NAV2: variants seen among roughly 807,000 people sequenced by gnomAD.
NAV2 encodes helicase, APC down-regulated 1.
A neutral mutation model predicts 223.2 loss-of-function variants in NAV2; 54 were observed. The ratio of observed to expected loss-of-function variants is 0.24; its 90% CI spans 0.19 to 0.30. The LOEUF (loss-of-function observed/expected upper bound fraction) is 0.30, where lower values mean the gene tolerates loss of function less well. Among genes scored for constraint, NAV2 ranks in the 10% least tolerant of loss-of-function variants. The pLI, the probability that NAV2 is intolerant of heterozygous loss-of-function variation, is 1.00. For missense variants in NAV2, 2,806 were observed against 3,147.5 expected (o/e 0.89, Z 2.60); for synonymous variants, 1,279 against 1,239.3 (o/e 1.03, Z -0.67).
In NAV2 at chr11:19,947,714, G is replaced by C. The variant is rs141083790; in HGVS notation, c.2256-977G>C. ...GTGAAAACAGTGGAAGACAGACTCTGCCAAGAGATTGAGCTCATCCTTGGG... is the reference window on the plus strand; with the variant it reads ...GTGAAAACAGTGGAAGACAGACTCTCCCAAGAGATTGAGCTCATCCTTGGG... On this transcript the variant is annotated intron_variant, in intron 9 of 37. Coordinates refer to ENST00000349880, the MANE Select transcript of NAV2 (RefSeq NM_145117.5). Among the ~76,000 whole-genome samples, 17 of 152,320 alleles carry C rather than the reference G, an allele frequency of 1.1e-4. No individual in the cohort carries two copies. In the East Asian group the frequency reaches 3.1e-3, roughly 28 times the overall value.
chr11:20,031,751 TGTGTGTGTGTGC>T (rs2055771104), intron 11 of NAV2, among the ~76,000 whole-genome samples: 1 of 152,108 alleles, frequency 6.6e-6, no homozygotes. Context: ...TGTGTGTGTG[TGTGTGTGTGTGC>T]TTCATTCTTC....
intron 1 of NAV2, among the ~76,000 whole-genome samples, chr11:19,628,570 A>C (rs536697607): frequency 6.6e-6 from 1 of 152,200 alleles, no homozygotes; most frequent in Non-Finnish European, 1.5e-5. Context: ...CCATGCACTC[A>C]TCTACATTCA....
At chr11:20,094,605 A>G (rs2061110777) in intron 29 of NAV2, among the ~76,000 whole-genome samples, 1 of 152,216 alleles carries the variant, frequency 6.6e-6, no homozygotes, top group Admixed American at 6.5e-5. Flanking sequence ...ATGAACACAT[A>G]GAGCATACCT....
intron 10 of NAV2, among the ~76,000 whole-genome samples, chr11:19,968,342 A>G (rs1040462870): frequency 2.0e-5 from 3 of 152,008 alleles, no homozygotes; most frequent in Non-Finnish European, 4.4e-5. Context: ...TCAGCCTCCC[A>G]AGTAGCTGGG....
At chr11:19,373,450 G>A (rs1267611129) in intron 1 of NAV2, among the ~76,000 whole-genome samples, 1 of 152,034 alleles carries the variant, frequency 6.6e-6, no homozygotes, top group East Asian at 1.9e-4. Flanking sequence ...CCACCTCAAG[G>A]TCTTTGCACC....
At chr11:19,496,848 C>T (rs941085182) in intron 1 of NAV2, among the ~76,000 whole-genome samples, 4 of 152,066 alleles carry the variant, frequency 2.6e-5, no homozygotes, top group Admixed American at 6.5e-5. Context: ...AGAAACAAAA[C>T]AAAACAAACA....
intron 3 of NAV2, among the ~76,000 whole-genome samples, chr11:19,846,893 G>GT (rs1565419615): frequency 6.6e-6 from 1 of 152,172 alleles, no homozygotes; most frequent in Admixed American, 6.5e-5. Flanking sequence ...GCTTTGCCCT[G>GT]TTTCAGTCTG....
intron 1 of NAV2, among the ~76,000 whole-genome samples, chr11:19,721,032 G>T (rs1395884858): frequency 6.6e-6 from 1 of 152,224 alleles, no homozygotes; most frequent in Admixed American, 6.5e-5. Flanking sequence ...GAGGAAACCA[G>T]GGCTGACAGA....
At chr11:19,671,939 C>T (rs978395229) in intron 1 of NAV2, among the ~76,000 whole-genome samples, 3 of 152,120 alleles carry the variant, frequency 2.0e-5, no homozygotes, top group Non-Finnish European at 2.9e-5. Context: ...GATTCATGTC[C>T]GCAGAAAATG....
chr11:20,003,886 T>C (rs920529951), intron 11 of NAV2, among the ~76,000 whole-genome samples: 2 of 152,222 alleles, frequency 1.3e-5, no homozygotes, highest in Non-Finnish European at 2.9e-5. Context: ...ATTCTGTTCA[T>C]TGGATTTGGA....
At chr11:20,077,486 C>A in intron 22 of NAV2, 66 bp from the exon 23 acceptor site, 1 of 1,272,838 alleles carries the variant, frequency 7.9e-7, no homozygotes, top group Non-Finnish European at 1.1e-6. Flanking sequence ...TCTTTAAGAG[C>A]CAGACACCTT....
chr11:19,817,639 G>A (rs2059160634), intron 1 of NAV2, among the ~76,000 whole-genome samples: 1 of 152,274 alleles, frequency 6.6e-6, no homozygotes, highest in Middle Eastern at 3.4e-3. Context: ...GGAGGGGGTG[G>A]CCAAGAGGGC....
At chr11:19,819,318 A>G (rs1037847620) in intron 1 of NAV2, among the ~76,000 whole-genome samples, 1 of 152,150 alleles carries the variant, frequency 6.6e-6, no homozygotes, top group Non-Finnish European at 1.5e-5. Flanking sequence ...GGGGACTGAC[A>G]TTTACTTTGC....
At chr11:19,975,120 G>A (rs182218770) in intron 10 of NAV2, among the ~76,000 whole-genome samples, 2 of 152,278 alleles carry the variant, frequency 1.3e-5, no homozygotes, top group African/African-American at 2.4e-5. Context: ...CTTTCAGAAG[G>A]TGGACAAAAA....
chr11:19,987,682 T>C (rs2050916588), intron 11 of NAV2, among the ~76,000 whole-genome samples: 1 of 152,190 alleles, frequency 6.6e-6, no homozygotes, highest in South Asian at 2.1e-4. Flanking sequence ...TGTCAGTTGG[T>C]GAGTCTGGTA....
chr11:19,935,868 T>TTTTTTTTTTTGTTTG (rs1286549497), intron 7 of NAV2, among the ~76,000 whole-genome samples: 15 of 125,332 alleles, frequency 1.2e-4, no homozygotes, highest in East Asian at 6.8e-4. Flanking sequence ...TTTTTTTTTT[T>TTTTTTTTTTTGTTTG]TTTTTTTGAG....
chr11:19,719,435 T>C (rs2050582180), intron 1 of NAV2, among the ~76,000 whole-genome samples: 1 of 152,214 alleles, frequency 6.6e-6, no homozygotes, highest in Non-Finnish European at 1.5e-5. Flanking sequence ...GGGCAAATTA[T>C]AGAACATCCC....
At chr11:19,901,345 G>A (rs768886906) in intron 6 of NAV2, among the ~76,000 whole-genome samples, 1 of 152,134 alleles carries the variant, frequency 6.6e-6, no homozygotes, top group Admixed American at 6.6e-5. Flanking sequence ...TCTGGAGTTT[G>A]AGACCAGCCT....
At chr11:19,464,366 A>T (rs1852273419) in intron 1 of NAV2, among the ~76,000 whole-genome samples, 1 of 150,536 alleles carries the variant, frequency 6.6e-6, no homozygotes, top group South Asian at 2.2e-4. Context: ...GTTTCTCGTT[A>T]ATAAGCTTTA....
Sources: gnomAD v4.1 joint callset for allele counts (sites outside exome capture counted in the v4.1 genomes callset) on GRCh38, gnomAD v4.1.1 for gene constraint, MANE v1.5 for transcripts, NCBI Gene and HGNC (gene_info 2026-07-23, HGNC 2026-07-21) for gene names.